CNTN1: variants seen among roughly 807,000 people sequenced by gnomAD.
CNTN1 encodes the protein contactin-1.
Under a neutral mutation model 126.4 loss-of-function variants are expected in CNTN1, and 38 were observed. The observed-to-expected ratio is 0.30, with a 90% CI of 0.23 to 0.39. CNTN1 has a LOEUF of 0.39. CNTN1 is among the 10% of genes least tolerant of loss of function. The probability of loss-of-function intolerance (pLI) is 1.00; values close to 1 mark genes in which losing one functional copy is unlikely to be tolerated. For missense variants in CNTN1, 1,009 were observed against 1,248.4 expected (o/e 0.81, Z 2.89); for synonymous variants, 413 against 422.6 (o/e 0.98, Z 0.28).
chr12:40,988,142 C>T (rs1011623795), intron 16 of CNTN1, among the ~76,000 whole-genome samples: 4 of 152,096 alleles, frequency 2.6e-5, no homozygotes, highest in Non-Finnish European at 5.9e-5. Context: ...TCCTGCCAGG[C>T]GATCCATGGG....
chr12:40,807,053 C>G (rs73114720), intron 1 of CNTN1, among the ~76,000 whole-genome samples: 1 of 151,946 alleles, frequency 6.6e-6, no homozygotes, highest in Non-Finnish European at 1.5e-5. Flanking sequence ...AGCACAGGAA[C>G]GGTACAGAAT....
At position 40,764,637 on chromosome 12, in the gene CNTN1, A is replaced by C. The variant is rs1300603744; in HGVS notation, c.-77+72045A>C. 2.0e-5 allele frequency among the ~76,000 whole-genome samples: 3 copies of C among 152,358 alleles called. No homozygotes were observed. The East Asian group carries it at 5.8e-4, about 29-fold the overall frequency. On this transcript the variant is annotated intron_variant, in intron 1 of 23. Coordinates refer to ENST00000551295, the MANE Select transcript of CNTN1 (RefSeq NM_001843.4). ...GAACTCACAATTGCAAGTTTTAAAA[A>C]AGCAATGGTCTGAGAAAAGTGAAGT...
At chr12:40,864,206 CA>C (rs1466955118) in intron 1 of CNTN1, among the ~76,000 whole-genome samples, 2 of 151,346 alleles carry the variant, frequency 1.3e-5, no homozygotes, top group African/African-American at 4.9e-5. Flanking sequence ...TTAGTAGAGA[CA>C]GGGGGTTTCA....
intron 17 of CNTN1, among the ~76,000 whole-genome samples, chr12:41,009,984 C>A (rs78980458): frequency 0.1 from 15,584 of 152,100 alleles, 904 homozygotes; most frequent in Non-Finnish European, 0.13. Flanking sequence ...AAGCATGTGT[C>A]AATAATAGGT....
intron 7 of CNTN1, among the ~76,000 whole-genome samples, chr12:40,931,863 C>T (rs1188078433): frequency 2.6e-5 from 4 of 151,898 alleles, no homozygotes; most frequent in Non-Finnish European, 5.9e-5. Context: ...TTAATCTACA[C>T]CTTGAGAAAC....
chr12:40,901,669 C>T (rs1421251002), intron 1 of CNTN1, among the ~76,000 whole-genome samples: 1 of 152,182 alleles, frequency 6.6e-6, no homozygotes, highest in Non-Finnish European at 1.5e-5. Context: ...AGGCTGTTGC[C>T]ATCTGAAGAC....
chr12:40,920,602 G>C (rs888920569), intron 4 of CNTN1, among the ~76,000 whole-genome samples: 2 of 152,104 alleles, frequency 1.3e-5, no homozygotes, highest in African/African-American at 4.8e-5. Context: ...ATAATTTCAG[G>C]ACAAATTATA....
intron 17 of CNTN1, among the ~76,000 whole-genome samples, chr12:40,996,699 A>G (rs1948226864): frequency 6.6e-6 from 1 of 152,184 alleles, no homozygotes; most frequent in African/African-American, 2.4e-5. Flanking sequence ...AATTTTATGT[A>G]ATTTTCAATA....
intron 23 of CNTN1, among the ~76,000 whole-genome samples, chr12:41,036,619 C>G (rs534253682): frequency 1.6e-4 from 25 of 152,220 alleles, no homozygotes; most frequent in African/African-American, 5.3e-4. Flanking sequence ...ACCCAAGATT[C>G]AGAAAATAGT....
intron 17 of CNTN1, among the ~76,000 whole-genome samples, chr12:40,999,949 G>A (rs1334666992): frequency 1.3e-5 from 2 of 151,692 alleles, no homozygotes; most frequent in Non-Finnish European, 2.9e-5. Context: ...CTCGTGATCC[G>A]CCCGCCTCAG....
At chr12:40,759,476 C>G (rs907156756) in intron 1 of CNTN1, among the ~76,000 whole-genome samples, 7 of 143,226 alleles carry the variant, frequency 4.9e-5, no homozygotes, top group Non-Finnish European at 1.1e-4. Flanking sequence ...CTTTCTCTTT[C>G]TCTTTTTTAG....
intron 1 of CNTN1, among the ~76,000 whole-genome samples, chr12:40,836,643 G>A (rs965983173): frequency 6.6e-6 from 1 of 152,116 alleles, no homozygotes; most frequent in Non-Finnish European, 1.5e-5. Context: ...CTTCCTCAAT[G>A]AAGAAATCAA....
chr12:40,809,278 G>T (rs1190839241), intron 1 of CNTN1, among the ~76,000 whole-genome samples: 1 of 152,088 alleles, frequency 6.6e-6, no homozygotes, highest in Admixed American at 6.6e-5. Flanking sequence ...CTAGTTTCAA[G>T]ATAAAACTCC....
intron 14 of CNTN1, among the ~76,000 whole-genome samples, chr12:40,949,694 C>T (rs1946594170): frequency 6.7e-6 from 1 of 150,294 alleles, no homozygotes. Flanking sequence ...CTGGCCTCAG[C>T]CTCCCAAGTA....
chr12:41,041,232 T>C (rs979057081), intron 23 of CNTN1, among the ~76,000 whole-genome samples: 4 of 152,228 alleles, frequency 2.6e-5, no homozygotes, highest in Non-Finnish European at 5.9e-5. Flanking sequence ...GATTTGCATA[T>C]ATTGAACCAG....
intron 23 of CNTN1, among the ~76,000 whole-genome samples, chr12:41,041,391 C>T (rs1000140048): frequency 2.0e-5 from 3 of 152,094 alleles, no homozygotes; most frequent in African/African-American, 7.2e-5. Flanking sequence ...TTGGTTGTGT[C>T]TCTGCCCGGC....
intron 1 of CNTN1, among the ~76,000 whole-genome samples, chr12:40,840,102 C>T (rs1442027917): frequency 6.6e-6 from 1 of 151,762 alleles, no homozygotes; most frequent in Admixed American, 6.6e-5. Flanking sequence ...ATAAGAAACT[C>T]ACCTTACCAG....
At chr12:40,887,336 A>G (rs796589516) in intron 1 of CNTN1, among the ~76,000 whole-genome samples, 43 of 152,308 alleles carry the variant, frequency 2.8e-4, no homozygotes, top group African/African-American at 1.0e-3. Context: ...AAAAAACCCC[A>G]TCAAAAAGTG....
At position 40,987,360 on chromosome 12, in the gene CNTN1, T is replaced by G. The variant is rs188513295; in HGVS notation, c.1964-5760T>G. ...TTTTAAGGCAATCTATTGTAAATTT[T>G]ACTTCTCTTGGACTGTTTTTAGCAG... On this transcript the variant is annotated intron_variant, in intron 16 of 23. Transcript: ENST00000551295. Among the ~76,000 whole-genome samples, 159 of 152,346 alleles carry G rather than the reference T, an allele frequency of 1.0e-3. No individual in the cohort carries two copies. The East Asian group carries it at 0.014, about 14-fold the overall frequency.
Sources: gnomAD v4.1 joint callset for allele counts (sites outside exome capture counted in the v4.1 genomes callset) on GRCh38, gnomAD v4.1.1 for gene constraint, MANE v1.5 for transcripts, NCBI Gene and HGNC (gene_info 2026-07-23, HGNC 2026-07-21) for gene names.